Variants in NVL observed in about 807,000 individuals in gnomAD.
NVL encodes nuclear VCP like, also known as nuclear valosin-containing protein-like.
In NVL, 84 loss-of-function variants were observed where a neutral mutation model predicts 110.2. The observed-to-expected ratio is 0.76, with a 90% CI of 0.64 to 0.91. The LOEUF is 0.91. NVL is among the 40% of genes least tolerant of loss of function. The pLI, the probability that NVL is intolerant of heterozygous loss-of-function variation, is 0.00. For synonymous variants in NVL, 354 were observed against 361.1 expected, an observed-to-expected ratio of 0.98 and a Z score of 0.22; for missense variants, 882 against 1,035.9, an observed-to-expected ratio of 0.85 and a Z score of 2.04.
In NVL at chr1:224,259,046, G is replaced by C. The variant is rs868032785; in HGVS notation, c.2183-8728C>G. 2.7e-5 allele frequency among the ~76,000 whole-genome samples: 4 copies of C among 149,136 alleles called. No individual in the cohort carries two copies. The Middle Eastern group carries it at 0.01, about 391-fold the overall frequency. On this transcript the variant is annotated intron_variant, in intron 18 of 22. Coordinates refer to ENST00000281701, the MANE Select transcript of NVL (RefSeq NM_002533.4). ...TTGCCTAAGGCTGGAGATGAGAAAA[G>C]GAAAACTGAATGCTAACAGGCATGA...
At chr1:224,290,411 C>G (rs1667253782) in intron 12 of NVL, among the ~76,000 whole-genome samples, 1 of 152,158 alleles carries the variant, frequency 6.6e-6, no homozygotes, top group South Asian at 2.1e-4. Flanking sequence ...AATCCCAGCA[C>G]TCTGGGAGGC....
chr1:224,311,935 A>G, intron 4 of NVL, 78 bp from the exon 5 acceptor site: 1 of 1,091,268 alleles, frequency 9.2e-7, no homozygotes, highest in Non-Finnish European at 1.4e-6. Context: ...AAACAAGTAA[A>G]TATATTCAGC....
intron 16 of NVL, among the ~76,000 whole-genome samples, chr1:224,279,201 A>G (rs1437471636): frequency 6.6e-6 from 1 of 152,216 alleles, no homozygotes; most frequent in African/African-American, 2.4e-5. Flanking sequence ...ACATTCATTC[A>G]ATGAAATGCC....
intron 19 of NVL, among the ~76,000 whole-genome samples, chr1:224,242,408 C>T (rs1661298571): frequency 6.6e-6 from 1 of 151,582 alleles, no homozygotes; most frequent in South Asian, 2.1e-4. Context: ...TTATGAAATA[C>T]TCAGGTTCAA....
At chr1:224,279,623 T>C (rs950325668) in intron 16 of NVL, among the ~76,000 whole-genome samples, 1 of 152,196 alleles carries the variant, frequency 6.6e-6, no homozygotes, top group African/African-American at 2.4e-5. Flanking sequence ...TCAATTATTA[T>C]CAACTCGATT....
intron 12 of NVL, among the ~76,000 whole-genome samples, chr1:224,291,050 T>C (rs1234322001): frequency 6.6e-6 from 1 of 152,212 alleles, no homozygotes; most frequent in African/African-American, 2.4e-5. Flanking sequence ...TGTTAACCTT[T>C]GTTATCTGGG....
intron 5 of NVL, among the ~76,000 whole-genome samples, chr1:224,309,623 A>G (rs2102729218): frequency 6.6e-6 from 1 of 152,370 alleles, no homozygotes. Flanking sequence ...TTGGCCCTCT[A>G]TATCCAAGGG....
At chr1:224,313,541 G>A (rs1669764843) in intron 4 of NVL, among the ~76,000 whole-genome samples, 1 of 152,110 alleles carries the variant, frequency 6.6e-6, no homozygotes, top group South Asian at 2.1e-4. Context: ...GAAAGCAGTT[G>A]TAATGCATAT....
chr1:224,262,129 A>T (rs1471948327), intron 18 of NVL, among the ~76,000 whole-genome samples: 2 of 152,320 alleles, frequency 1.3e-5, no homozygotes, highest in Non-Finnish European at 2.9e-5. Context: ...AAGAAAAAAG[A>T]GGACATTTAG....
At chr1:224,318,631 G>C (rs748727594) in intron 2 of NVL, among the ~76,000 whole-genome samples, 2 of 151,666 alleles carry the variant, frequency 1.3e-5, no homozygotes, top group Non-Finnish European at 2.9e-5. Flanking sequence ...AAACTAAGAA[G>C]AAGAAACTAA....
intron 19 of NVL, 102 bp downstream of exon 19, chr1:224,250,110 A>G (rs1662293811): frequency 2.5e-6 from 3 of 1,186,054 alleles, no homozygotes; most frequent in Non-Finnish European, 3.5e-6. Flanking sequence ...ACACAGCTAC[A>G]GAAAAGAAAG....
chr1:224,270,924 G>C (rs1665030014), intron 17 of NVL, among the ~76,000 whole-genome samples: 1 of 152,180 alleles, frequency 6.6e-6, no homozygotes, highest in East Asian at 1.9e-4. Context: ...GACAGTTTTT[G>C]TGAAGGATGA....
chr1:224,258,366 A>T (rs1374564673), intron 18 of NVL, among the ~76,000 whole-genome samples: 2 of 152,178 alleles, frequency 1.3e-5, no homozygotes, highest in Non-Finnish European at 2.9e-5. Context: ...TAACTATAAT[A>T]AAAAAAGACA....
At chr1:224,234,239 AAG>A (rs1206231943) in intron 20 of NVL, among the ~76,000 whole-genome samples, 4 of 152,192 alleles carry the variant, frequency 2.6e-5, no homozygotes, top group African/African-American at 9.6e-5. Flanking sequence ...AGTTCAATGA[AAG>A]ACACTCATGT....
chr1:224,325,336 C>T (rs1363772475), intron 2 of NVL, among the ~76,000 whole-genome samples: 1 of 150,522 alleles, frequency 6.6e-6, no homozygotes, highest in Non-Finnish European at 1.5e-5. Flanking sequence ...CTTAGGGAGG[C>T]GAAGGTGGAA....
intron 5 of NVL, 135 bp downstream of exon 5, chr1:224,311,665 A>AT (rs1669537365): frequency 1.5e-6 from 1 of 682,904 alleles, no homozygotes; most frequent in African/African-American, 1.8e-5. Flanking sequence ...AGTGATCTGC[A>AT]TGCCTCAGCC....
intron 19 of NVL, among the ~76,000 whole-genome samples, chr1:224,243,833 TG>T (rs1012687977): frequency 1.3e-5 from 2 of 151,608 alleles, no homozygotes; most frequent in Admixed American, 1.3e-4. Flanking sequence ...AGCTAATTTT[TG>T]TATTTTTAGT....
At chr1:224,253,496 A>G (rs892276772) in intron 18 of NVL, among the ~76,000 whole-genome samples, 3 of 151,572 alleles carry the variant, frequency 2.0e-5, no homozygotes, top group Admixed American at 2.0e-4. Flanking sequence ...GCACTTTGGG[A>G]GGCTGAGGCG....
At chr1:224,254,246 C>A (rs1337410586) in intron 18 of NVL, among the ~76,000 whole-genome samples, 2 of 151,994 alleles carry the variant, frequency 1.3e-5, no homozygotes, top group Non-Finnish European at 2.9e-5. Flanking sequence ...GTGACCACCA[C>A]CATGCCCGGC....
Sources: gnomAD v4.1 joint callset for allele counts (sites outside exome capture counted in the v4.1 genomes callset) on GRCh38, gnomAD v4.1.1 for gene constraint, MANE v1.5 for transcripts, NCBI Gene and HGNC (gene_info 2026-07-23, HGNC 2026-07-21) for gene names.